The following CPNE4 variants were observed in gnomAD, a reference collection of about 807,000 sequenced individuals.
The protein encoded by CPNE4 is copine-4.
CPNE4 carries 25 observed loss-of-function variants against 67.9 expected under a neutral mutation model. The observed-to-expected ratio is 0.37, with a 90% CI of 0.27 to 0.51. The LOEUF is 0.51. CPNE4 is among the 20% of genes least tolerant of loss of function. The pLI, the probability that CPNE4 is intolerant of heterozygous loss-of-function variation, is 0.93. For synonymous variants in CPNE4, 242 were observed against 244.9 expected, an observed-to-expected ratio of 0.99 and a Z score of 0.11; for missense variants, 464 against 690.8, an observed-to-expected ratio of 0.67 and a Z score of 3.68.
At position 131,625,241 on chromosome 3, in the gene CPNE4, A is replaced by G. The variant is rs572445381; in HGVS notation, c.682-37659T>C. Among the ~76,000 whole-genome samples the G allele has an allele frequency of 3.2e-3, 481 of 152,314 alleles. 3 individuals are homozygous for G. Among genetic ancestry groups the G allele is most frequent in the South Asian group, 6.4e-3 (31 of 4,828 alleles). ...GGAACTATTATTTAAAGAAACATCC[A>G]AACTCTATTGCCCAATTAGTCCTTT... On this transcript the variant is annotated intron_variant, in intron 7 of 15. Transcript: ENST00000429747.
At chr3:131,911,722 T>C (rs577159376) in intron 1 of CPNE4, among the ~76,000 whole-genome samples, 1 of 152,104 alleles carries the variant, frequency 6.6e-6, no homozygotes, top group Admixed American at 6.6e-5. Flanking sequence ...AGGAAAGCAA[T>C]ATGGAGATAC....
intron 7 of CPNE4, among the ~76,000 whole-genome samples, chr3:131,628,812 T>C (rs1421995384): frequency 1.3e-5 from 2 of 152,170 alleles, no homozygotes; most frequent in African/African-American, 4.8e-5. Context: ...GTCTTGCTAG[T>C]GGTCTATCAA....
Position 131,879,285 on chromosome 3 carries a change from A to C in CPNE4, c.180+25979T>G, listed in dbSNP as rs374662328. 1.4e-4 allele frequency among the ~76,000 whole-genome samples: 21 copies of C among 152,360 alleles called. 1 individual carries two copies. The highest frequency in any genetic ancestry group is 4.3e-4 in the African/African-American group (18 of 41,592). On this transcript the variant is annotated intron_variant, in intron 2 of 15. Transcript: ENST00000429747. ...AGATATATGAATAAGGATATACATA[A>C]CAAGGCTGAAATCATGCAACTAATG...
chr3:131,933,958 G>T (rs1583474287), intron 1 of CPNE4, among the ~76,000 whole-genome samples: 1 of 152,066 alleles, frequency 6.6e-6, no homozygotes, highest in Non-Finnish European at 1.5e-5. Flanking sequence ...TAAATGAAAA[G>T]TATTTTTTTA....
At chr3:131,545,856 G>A (rs1028136452) in intron 14 of CPNE4, among the ~76,000 whole-genome samples, 2 of 152,188 alleles carry the variant, frequency 1.3e-5, no homozygotes, top group Admixed American at 6.5e-5. Context: ...GAGGTCAGGA[G>A]ATCAAGACCA....
At chr3:131,812,303 A>G (rs149613104) in intron 2 of CPNE4, among the ~76,000 whole-genome samples, 2 of 152,252 alleles carry the variant, frequency 1.3e-5, no homozygotes, top group Admixed American at 1.3e-4. Flanking sequence ...AGGTGAAAGC[A>G]AACTAAAGAG....
chr3:131,772,089 T>C (rs973414952), intron 2 of CPNE4, among the ~76,000 whole-genome samples: 2 of 152,064 alleles, frequency 1.3e-5, no homozygotes, highest in Admixed American at 6.6e-5. Context: ...GAGGGAGATG[T>C]CCCAGGAGGT....
intron 9 of CPNE4, among the ~76,000 whole-genome samples, chr3:131,578,700 G>T (rs1224833249): frequency 6.6e-6 from 1 of 152,124 alleles, no homozygotes; most frequent in African/African-American, 2.4e-5. Context: ...TTATGTGAAG[G>T]AAGTTTTAGT....
intron 7 of CPNE4, among the ~76,000 whole-genome samples, chr3:131,626,312 G>A (rs977168888): frequency 2.0e-5 from 3 of 152,194 alleles, no homozygotes; most frequent in Admixed American, 6.5e-5. Flanking sequence ...TGCAACAAAC[G>A]CTTAGTCAAG....
At chr3:132,019,799 A>G (rs1015674076) in intron 1 of CPNE4, among the ~76,000 whole-genome samples, 2 of 152,198 alleles carry the variant, frequency 1.3e-5, no homozygotes, top group African/African-American at 2.4e-5. Context: ...ACTGTCAGAA[A>G]CAAAAAGTCT....
At chr3:131,996,402 G>A (rs182099624) in intron 1 of CPNE4, among the ~76,000 whole-genome samples, 5 of 151,964 alleles carry the variant, frequency 3.3e-5, no homozygotes, top group Admixed American at 3.3e-4. Flanking sequence ...AAGTAGGAGG[G>A]AAAAGAGTCA....
intron 2 of CPNE4, among the ~76,000 whole-genome samples, chr3:131,724,719 G>C (rs2107748832): frequency 6.6e-6 from 1 of 152,130 alleles, no homozygotes; most frequent in South Asian, 2.1e-4. Flanking sequence ...GGGTAGTAAT[G>C]GCTTCCTGTT....
chr3:131,588,349 G>A (rs1938317202), intron 7 of CPNE4, among the ~76,000 whole-genome samples: 2 of 152,134 alleles, frequency 1.3e-5, no homozygotes, highest in African/African-American at 2.4e-5. Flanking sequence ...TGAAGAGGAG[G>A]TCTCCACGTA....
chr3:132,005,787 G>A (rs868514312), intron 1 of CPNE4, among the ~76,000 whole-genome samples: 2 of 149,754 alleles, frequency 1.3e-5, no homozygotes, highest in Non-Finnish European at 1.5e-5. Context: ...GCATTTAATT[G>A]AAAAAAAAAA....
rs189001002 is a variant in CPNE4, at chr3:131,771,546, C to T, written c.181-47921G>A. ...CTCTCCCCTCTTGCTTCTTCTCTCG[C>T]CATATGATTTGCACACACCCAGTCC... is the stretch of plus-strand genomic sequence containing the variant. On this transcript the variant is annotated intron_variant, in intron 2 of 15. Coordinates refer to ENST00000429747, the MANE Select transcript of CPNE4 (RefSeq NM_130808.3). Among the ~76,000 whole-genome samples the T allele has an allele frequency of 3.6e-4, 55 of 152,206 alleles. No homozygotes were observed. The South Asian group carries it at 3.7e-3, about 10-fold the overall frequency.
intron 1 of CPNE4, among the ~76,000 whole-genome samples, chr3:131,976,757 C>T (rs1284221628): frequency 6.6e-6 from 1 of 150,960 alleles, no homozygotes; most frequent in African/African-American, 2.4e-5. Context: ...ACACCAAACA[C>T]TAAAAAAAAT....
At chr3:132,025,252 G>C (rs7623207) in intron 1 of CPNE4, among the ~76,000 whole-genome samples, 3,826 of 152,256 alleles carry the variant, frequency 0.025, 160 homozygotes, top group African/African-American at 0.086. Flanking sequence ...GGGAAACAAA[G>C]TCAAATACAA....
intron 4 of CPNE4, among the ~76,000 whole-genome samples, chr3:131,697,107 A>G (rs1268139782): frequency 6.6e-6 from 1 of 152,230 alleles, no homozygotes; most frequent in Non-Finnish European, 1.5e-5. Flanking sequence ...TGAGATGAAG[A>G]TATGGGTATA....
chr3:131,883,278 C>T (rs9844495), intron 2 of CPNE4, among the ~76,000 whole-genome samples: 43,603 of 151,808 alleles, frequency 0.29, 7,283 homozygotes, highest in Non-Finnish European at 0.37. Context: ...CAGTGTTACC[C>T]ATCATCATTC....
Sources: gnomAD v4.1 joint callset for allele counts (sites outside exome capture counted in the v4.1 genomes callset) on GRCh38, gnomAD v4.1.1 for gene constraint, MANE v1.5 for transcripts, NCBI Gene and HGNC (gene_info 2026-07-23, HGNC 2026-07-21) for gene names.